Variants in TP63 observed in about 807,000 individuals in gnomAD.
TP63 encodes the protein tumor protein 63.
TP63 carries 17 observed loss-of-function variants against 82.8 expected under a neutral mutation model. The ratio of observed to expected loss-of-function variants is 0.21; its 90% CI spans 0.14 to 0.31. TP63 has a LOEUF of 0.31. TP63 is among the 10% of genes least tolerant of loss of function. The pLI is 1.00. For synonymous variants in TP63, 330 were observed against 321.7 expected (o/e 1.03, Z -0.28); for missense variants, 648 against 895.3 (o/e 0.72, Z 3.52).
At chr3:189,843,415 C>T (rs938989005) in intron 4 of TP63, among the ~76,000 whole-genome samples, 1 of 152,278 alleles carries the variant, frequency 6.6e-6, no homozygotes, top group South Asian at 2.1e-4. Flanking sequence ...AATTAATCCC[C>T]GCAACTGACA....
chr3:189,664,730 T>C (rs1729125728), intron 1 of TP63, among the ~76,000 whole-genome samples: 1 of 152,210 alleles, frequency 6.6e-6, no homozygotes, highest in Non-Finnish European at 1.5e-5. Flanking sequence ...ATTGTATGCT[T>C]GGATATTAAA....
At chr3:189,890,955 T>C (rs542437670) in intron 13 of TP63, 73 bp downstream of exon 13, 17 of 1,438,636 alleles carry the variant, frequency 1.2e-5, no homozygotes, top group Non-Finnish European at 1.5e-5. Context: ...GCCTTGTAGT[T>C]CAATCCCTGA....
At chr3:189,808,586 G>A (rs1261094818) in intron 4 of TP63, 60 bp downstream of exon 4, 6 of 1,607,146 alleles carry the variant, frequency 3.7e-6, no homozygotes, top group East Asian at 2.2e-5. Context: ...GCTTCACCAC[G>A]TCCCAGGGAT....
At chr3:189,769,551 T>C (rs1723184938) in intron 3 of TP63, among the ~76,000 whole-genome samples, 1 of 152,198 alleles carries the variant, frequency 6.6e-6, no homozygotes, top group Admixed American at 6.5e-5. Flanking sequence ...GGTATTCCTT[T>C]AAAATAATTA....
At chr3:189,701,855 G>A (rs1342014336) in intron 1 of TP63, among the ~76,000 whole-genome samples, 2 of 152,016 alleles carry the variant, frequency 1.3e-5, no homozygotes, top group African/African-American at 4.8e-5. Flanking sequence ...ACAATTAGTT[G>A]AGTGTATTCT....
intron 10 of TP63, among the ~76,000 whole-genome samples, chr3:189,884,582 T>C (rs1720249761): frequency 6.6e-6 from 1 of 152,226 alleles, no homozygotes; most frequent in Non-Finnish European, 1.5e-5. Flanking sequence ...GGTGTGACAA[T>C]CATTCAGAAA....
At chr3:189,666,967 A>C (rs982579850) in intron 1 of TP63, among the ~76,000 whole-genome samples, 1 of 151,820 alleles carries the variant, frequency 6.6e-6, no homozygotes, top group Non-Finnish European at 1.5e-5. Context: ...TATTGGACAA[A>C]ATATATAAGA....
intron 10 of TP63, chr3:189,873,716 A>G (rs1718710704): frequency 6.5e-6 from 1 of 153,624 alleles, no homozygotes; most frequent in Admixed American, 6.4e-5. Context: ...TTTATGACTG[A>G]CTAGAATAGA....
At chr3:189,642,619 G>T (rs1263973192) in intron 1 of TP63, among the ~76,000 whole-genome samples, 1 of 151,982 alleles carries the variant, frequency 6.6e-6, no homozygotes, top group Non-Finnish European at 1.5e-5. Flanking sequence ...AAAATTAAAT[G>T]AGTTAATTGT....
At chr3:189,743,079 A>G (rs562549864) in intron 3 of TP63, among the ~76,000 whole-genome samples, 2 of 152,336 alleles carry the variant, frequency 1.3e-5, no homozygotes, top group South Asian at 2.1e-4. Context: ...TTTAAAAATT[A>G]TAATTCATAA....
In TP63 at chr3:189,648,146, C is replaced by T. The variant is rs1462829718; in HGVS notation, c.62+16569C>T. On this transcript the variant is annotated intron_variant, in intron 1 of 13. Coordinates refer to ENST00000264731, the MANE Select transcript of TP63 (RefSeq NM_003722.5). ...ATTTAAAGAAACCAAAAATAAAGAA[C>T]AAGAAGTAATGGAAGAGGAGGAAAG... is the stretch of plus-strand genomic sequence containing the variant. Among the ~76,000 whole-genome samples the T allele has an allele frequency of 4.1e-5, 6 of 146,750 alleles. 1 individual carries two copies. The East Asian group carries it at 1.4e-3, about 35-fold the overall frequency.
intron 1 of TP63, among the ~76,000 whole-genome samples, chr3:189,697,232 AG>A (rs1470516237): frequency 0.012 from 267 of 22,388 alleles, 1 homozygote; most frequent in African/African-American, 0.021. Flanking sequence ...GTCTAGGTTC[AG>A]TTTTTTTTTT....
chr3:189,792,220 A>T (rs1039793583), intron 3 of TP63, among the ~76,000 whole-genome samples: 14 of 151,996 alleles, frequency 9.2e-5, no homozygotes, highest in African/African-American at 2.7e-4. Flanking sequence ...GGAAGGGAGG[A>T]GAACACAAGC....
At chr3:189,702,209 C>G (rs1717866220) in intron 1 of TP63, among the ~76,000 whole-genome samples, 1 of 152,122 alleles carries the variant, frequency 6.6e-6, no homozygotes, top group African/African-American at 2.4e-5. Context: ...AGTAGCTTCC[C>G]TGAGGGAATT....
At chr3:189,782,941 C>A (rs368703692) in intron 3 of TP63, among the ~76,000 whole-genome samples, 1 of 151,880 alleles carries the variant, frequency 6.6e-6, no homozygotes, top group African/African-American at 2.4e-5. Context: ...GCATTGTTGG[C>A]CTAAACATAA....
chr3:189,879,100 G>T (rs1043451753), intron 10 of TP63, among the ~76,000 whole-genome samples: 1 of 152,148 alleles, frequency 6.6e-6, no homozygotes, highest in African/African-American at 2.4e-5. Flanking sequence ...GGTCTTAGAG[G>T]TCTTTAGTTA....
intron 3 of TP63, among the ~76,000 whole-genome samples, chr3:189,745,311 T>C (rs551131505): frequency 2.0e-5 from 3 of 152,184 alleles, no homozygotes; most frequent in African/African-American, 7.2e-5. Context: ...ATATTGATAC[T>C]GAGAAGCTCA....
intron 3 of TP63, among the ~76,000 whole-genome samples, chr3:189,742,077 T>C (rs1354084204): frequency 6.6e-6 from 1 of 151,924 alleles, no homozygotes; most frequent in Non-Finnish European, 1.5e-5. Context: ...TACCCGTCTC[T>C]ACTAAAAATA....
At chr3:189,615,533 A>ATT in the TP63 span, among the ~76,000 whole-genome samples, 2 of 152,108 alleles carry the variant, frequency 1.3e-5, no homozygotes, top group Non-Finnish European at 2.9e-5. Context: ...CATTAACATA[A>ATT]TTTTATGTGT....
Sources: allele counts gnomAD v4.1 joint callset (sites outside exome capture counted in the v4.1 genomes callset), GRCh38; gene constraint gnomAD v4.1.1; transcripts MANE v1.5; gene names NCBI Gene and HGNC (gene_info 2026-07-23, HGNC 2026-07-21).